The following RIC8B variants were observed in gnomAD, a reference collection of about 807,000 sequenced individuals.
RIC8B encodes the protein chaperone Ric-8B.
A neutral mutation model predicts 57.5 loss-of-function variants in RIC8B; 16 were observed. The ratio of observed to expected loss-of-function variants is 0.28; its 90% confidence interval spans 0.19 to 0.42. The LOEUF (loss-of-function observed/expected upper bound fraction) is 0.42, where lower values mean the gene tolerates loss of function less well. RIC8B is among the 10% of genes least tolerant of loss of function. RIC8B has a pLI of 1.00. For synonymous variants in RIC8B, 216 were observed against 250.8 expected (o/e 0.86, Z 1.31); for missense variants, 481 against 677.0 (o/e 0.71, Z 3.21).
At chr12:106,832,077 CCTT>C (rs2136360842) in intron 4 of RIC8B, among the ~76,000 whole-genome samples, 1 of 152,260 alleles carries the variant, frequency 6.6e-6, no homozygotes, top group South Asian at 2.1e-4. Context: ...GAGGCTGAGT[CCTT>C]CTTGACACTG....
intron 7 of RIC8B, among the ~76,000 whole-genome samples, chr12:106,857,246 G>A (rs1421297134): frequency 1.3e-5 from 2 of 152,126 alleles, no homozygotes; most frequent in East Asian, 1.9e-4. Context: ...ACACCAAGAC[G>A]AAGCCACTAG....
At chr12:106,860,240 T>C (rs1414377180) in intron 7 of RIC8B, 28 bp from the exon 8 acceptor site, 2 of 1,521,390 alleles carry the variant, frequency 1.3e-6, no homozygotes, top group Non-Finnish European at 1.8e-6. Flanking sequence ...CAAGGATTCC[T>C]ATCTAAAACC....
intron 4 of RIC8B, among the ~76,000 whole-genome samples, chr12:106,830,225 A>T (rs2046298425): frequency 6.6e-6 from 1 of 152,120 alleles, no homozygotes; most frequent in East Asian, 1.9e-4. Context: ...TGTCATGGGG[A>T]TTTTCATAAG....
chr12:106,817,742 A>G (rs1030658446), intron 3 of RIC8B, among the ~76,000 whole-genome samples: 12 of 151,422 alleles, frequency 7.9e-5, no homozygotes. Flanking sequence ...GGAGAATGGC[A>G]TGAACCCGGG....
chr12:106,780,046 T>C (rs2043695511), intron 1 of RIC8B, among the ~76,000 whole-genome samples: 1 of 152,040 alleles, frequency 6.6e-6, no homozygotes, highest in Admixed American at 6.5e-5. Flanking sequence ...GTAGAGAGAT[T>C]AGTTGCCATC....
intron 2 of RIC8B, chr12:106,798,122 C>G: frequency 1.5e-6 from 1 of 686,474 alleles, no homozygotes; most frequent in Admixed American, 2.2e-5. Flanking sequence ...TAGTACTGGC[C>G]TTATAACACT....
intron 4 of RIC8B, among the ~76,000 whole-genome samples, chr12:106,836,425 C>T (rs2046602556): frequency 6.6e-6 from 1 of 152,212 alleles, no homozygotes; most frequent in East Asian, 1.9e-4. Flanking sequence ...TGGATGTCAA[C>T]TAGACACCCC....
chr12:106,853,461 T>TTTC (rs2136477754), intron 7 of RIC8B, among the ~76,000 whole-genome samples: 1 of 88,812 alleles, frequency 1.1e-5, no homozygotes, highest in South Asian at 4.9e-4. Flanking sequence ...GTCTTTTTTT[T>TTTC]TTTTTTTTTT....
intron 2 of RIC8B, among the ~76,000 whole-genome samples, chr12:106,792,173 G>C (rs929135877): frequency 6.6e-6 from 1 of 152,162 alleles, no homozygotes; most frequent in African/African-American, 2.4e-5. Flanking sequence ...TGTCCAGCTG[G>C]AATCTGACAC....
rs372560937 is a variant in RIC8B, at chr12:106,827,023, C to A, written c.836+1203C>A. Among the ~76,000 whole-genome samples, 7 of 152,098 alleles carry A rather than the reference C, an allele frequency of 4.6e-5. No individual in the cohort carries two copies. In the East Asian group the frequency reaches 1.4e-3, roughly 29 times the overall value. On this transcript the variant is annotated intron_variant, in intron 4 of 9. Transcript: ENST00000392837. ...TCAGGAGGTGAAGGTTGCCATGAGC[C>A]GAAATTCCGCCACTGTACTCCAGCC...
chr12:106,797,837 TAAAG>T (rs2044552121), intron 2 of RIC8B: 1 of 474,610 alleles, frequency 2.1e-6, no homozygotes, highest in South Asian at 4.0e-5. Flanking sequence ...TCGCTGAAAA[TAAAG>T]AAGTTGGAGG....
At position 106,839,081 on chromosome 12, in the gene RIC8B, T is replaced by C. The variant is rs530137575; in HGVS notation, c.837-3508T>C. 3.3e-5 allele frequency among the ~76,000 whole-genome samples: 5 copies of C among 151,852 alleles called. No homozygotes were observed. The South Asian group carries it at 1.0e-3, about 32-fold the overall frequency. ...TTTACACTGTTGGTGGGAATGTAAA[T>C]TAGTATAGCCATTATGGAAAACAGT... is the stretch of plus-strand genomic sequence containing the variant. On this transcript the variant is annotated intron_variant, in intron 4 of 9. Transcript: ENST00000392837.
intron 2 of RIC8B, among the ~76,000 whole-genome samples, chr12:106,789,645 GC>G: frequency 6.6e-6 from 1 of 151,982 alleles, no homozygotes; most frequent in East Asian, 1.9e-4. Flanking sequence ...GGGGGAAACC[GC>G]CCCCATGATT....
chr12:106,778,528 T>G (rs2043595890), intron 1 of RIC8B, among the ~76,000 whole-genome samples: 1 of 152,232 alleles, frequency 6.6e-6, no homozygotes, highest in Admixed American at 6.5e-5. Context: ...GTACTATGTA[T>G]TATCCCAAGC....
intron 8 of RIC8B, among the ~76,000 whole-genome samples, chr12:106,861,168 G>T (rs1459631680): frequency 6.6e-6 from 1 of 151,964 alleles, no homozygotes; most frequent in Non-Finnish European, 1.5e-5. Flanking sequence ...TGTTTTTTCT[G>T]GGTTCCATTT....
intron 9 of RIC8B, chr12:106,880,077 T>G (rs1950851196): frequency 2.4e-6 from 1 of 421,862 alleles, no homozygotes; most frequent in Admixed American, 6.4e-5. Flanking sequence ...AGGACCTTCA[T>G]AATTTAGGAT....
intron 6 of RIC8B, among the ~76,000 whole-genome samples, chr12:106,850,843 CT>C (rs1949440028): frequency 6.6e-6 from 1 of 152,068 alleles, no homozygotes; most frequent in African/African-American, 2.4e-5. Flanking sequence ...AAATCTGCAA[CT>C]TTTTGAGCAC....
chr12:106,854,801 G>T (rs1949646492), intron 7 of RIC8B, among the ~76,000 whole-genome samples: 1 of 151,912 alleles, frequency 6.6e-6, no homozygotes, highest in Admixed American at 6.6e-5. Flanking sequence ...AAAGAAAAAA[G>T]AAAGAGGTAA....
intron 6 of RIC8B, among the ~76,000 whole-genome samples, chr12:106,846,637 C>T (rs1949198760): frequency 6.7e-6 from 1 of 148,884 alleles, no homozygotes; most frequent in Non-Finnish European, 1.5e-5. Context: ...AATGAAAATA[C>T]TTTTTTTCTG....
Sources: allele counts gnomAD v4.1 joint callset (sites outside exome capture counted in the v4.1 genomes callset), GRCh38; gene constraint gnomAD v4.1.1; transcripts MANE v1.5; gene names NCBI Gene and HGNC (gene_info 2026-07-23, HGNC 2026-07-21).